Variants in EXOC2 observed in about 807,000 individuals in gnomAD.
EXOC2 encodes the protein exocyst complex component 2.
EXOC2 carries 70 observed loss-of-function variants against 131.8 expected under a neutral mutation model. The observed-to-expected ratio is 0.53, with a 90% CI of 0.44 to 0.65. EXOC2 has a LOEUF of 0.65. Ranked by LOEUF, EXOC2 falls within the 30% of genes least tolerant of loss-of-function variation. The pLI is 0.00. For missense variants in EXOC2, 923 were observed against 1,108.6 expected (o/e 0.83, Z 2.38); for synonymous variants, 411 against 398.4 (o/e 1.03, Z -0.38).
At chr6:680,499 C>A (rs1017252670) in intron 1 of EXOC2, among the ~76,000 whole-genome samples, 4 of 152,134 alleles carry the variant, frequency 2.6e-5, no homozygotes, top group African/African-American at 9.7e-5. Flanking sequence ...TTTACATTGC[C>A]TTCCCTGTGG....
At chr6:650,477 A>T (rs1317737643) in intron 1 of EXOC2, among the ~76,000 whole-genome samples, 1 of 152,242 alleles carries the variant, frequency 6.6e-6, no homozygotes, top group Non-Finnish European at 1.5e-5. Context: ...TATTCATTTT[A>T]AAATTTCTGT....
intron 1 of EXOC2, among the ~76,000 whole-genome samples, chr6:650,727 G>C (rs1375648301): frequency 6.6e-6 from 1 of 152,082 alleles, no homozygotes; most frequent in Non-Finnish European, 1.5e-5. Context: ...ATTCATGAAA[G>C]ACTAAACTGT....
At chr6:529,880 C>T (rs1765974656) in intron 23 of EXOC2, among the ~76,000 whole-genome samples, 1 of 152,188 alleles carries the variant, frequency 6.6e-6, no homozygotes, top group African/African-American at 2.4e-5. Context: ...AAGATACGAA[C>T]TTTAACAAAA....
At chr6:572,200 T>C (rs1396670396) in intron 13 of EXOC2, among the ~76,000 whole-genome samples, 1 of 152,244 alleles carries the variant, frequency 6.6e-6, no homozygotes, top group Non-Finnish European at 1.5e-5. Flanking sequence ...TTGGCCTGAC[T>C]GGCAATATCT....
At chr6:686,260 C>T (rs1764651412) in intron 1 of EXOC2, among the ~76,000 whole-genome samples, 1 of 150,480 alleles carries the variant, frequency 6.6e-6, no homozygotes, top group South Asian at 2.1e-4. Context: ...CCGCGCCCGG[C>T]CTCCTGGACC....
chr6:533,383 A>T (rs931887140), intron 22 of EXOC2, among the ~76,000 whole-genome samples: 1 of 152,152 alleles, frequency 6.6e-6, no homozygotes, highest in African/African-American at 2.4e-5. Flanking sequence ...ACCAATAGAA[A>T]ATAAGCCTGC....
chr6:528,582 A>G (rs1174910586), intron 23 of EXOC2, among the ~76,000 whole-genome samples: 1 of 152,204 alleles, frequency 6.6e-6, no homozygotes, highest in Non-Finnish European at 1.5e-5. Context: ...AATCTGAGGA[A>G]GAGTAAATAA....
chr6:580,455 A>G (rs1199778474), intron 11 of EXOC2, among the ~76,000 whole-genome samples: 1 of 152,188 alleles, frequency 6.6e-6, no homozygotes, highest in East Asian at 1.9e-4. Flanking sequence ...CTTGGCAGTA[A>G]ATTTTCTATA....
At chr6:545,071 C>T (rs920135540) in intron 22 of EXOC2, among the ~76,000 whole-genome samples, 11 of 148,794 alleles carry the variant, frequency 7.4e-5, no homozygotes, top group Non-Finnish European at 8.9e-5. Context: ...GGCGTGAACC[C>T]GGGAAGCGGA....
intron 1 of EXOC2, among the ~76,000 whole-genome samples, chr6:683,986 C>A (rs148760465): frequency 6.6e-6 from 1 of 152,230 alleles, no homozygotes; most frequent in African/African-American, 2.4e-5. Context: ...AGGAGAAACT[C>A]TGGGCACAAT....
intron 24 of EXOC2, among the ~76,000 whole-genome samples, chr6:499,430 A>AACACACAC (rs5873755): frequency 0.036 from 5,156 of 141,678 alleles, 128 homozygotes; most frequent in Non-Finnish European, 0.052. Flanking sequence ...CTCACAGTTA[A>AACACACAC]ACACACACAC....
At chr6:661,773 G>C (rs910294139) in intron 1 of EXOC2, among the ~76,000 whole-genome samples, 1 of 152,108 alleles carries the variant, frequency 6.6e-6, no homozygotes, top group Non-Finnish European at 1.5e-5. Context: ...GCCAAAAAGA[G>C]CATGATGAAA....
Position 569,276 on chromosome 6 carries a change from C to T in EXOC2, c.1443+3244G>A, listed in dbSNP as rs184705296. Among the ~76,000 whole-genome samples, 24 of 152,256 alleles carry T rather than the reference C, an allele frequency of 1.6e-4. 1 individual carries two copies. The highest frequency in any genetic ancestry group is 1.4e-3 in the Admixed American group (22 of 15,294). On this transcript the variant is annotated intron_variant, in intron 13 of 27. Coordinates refer to ENST00000230449, the MANE Select transcript of EXOC2 (RefSeq NM_018303.6). ...TATTAACCATTTCGTTAACTAGAAA[C>T]CTTAACTCTTTCCTGCACACGCAGA...
intron 22 of EXOC2, among the ~76,000 whole-genome samples, chr6:540,294 T>C (rs1311997551): frequency 6.6e-6 from 1 of 152,156 alleles, no homozygotes; most frequent in African/African-American, 2.4e-5. Context: ...TCACATCCTA[T>C]ATATTAGGCT....
intron 23 of EXOC2, chr6:524,336 CAT>C (rs1486000263): frequency 2.0e-5 from 3 of 151,884 alleles, no homozygotes; most frequent in Non-Finnish European, 4.4e-5. Context: ...ACGCTCTGCA[CAT>C]GTGTCCCAGA....
At chr6:683,941 G>A (rs1447038335) in intron 1 of EXOC2, among the ~76,000 whole-genome samples, 1 of 152,228 alleles carries the variant, frequency 6.6e-6, no homozygotes, top group Non-Finnish European at 1.5e-5. Context: ...CCGCAGCTGC[G>A]AAGGATTGAA....
intron 23 of EXOC2, among the ~76,000 whole-genome samples, chr6:529,118 C>CT (rs201971650): frequency 3.6e-5 from 4 of 110,230 alleles, no homozygotes; most frequent in Non-Finnish European, 6.6e-5. Context: ...TGCCTTTTAC[C>CT]CCCCCCCGCG....
rs550010374 is a variant in EXOC2 at position 620,816 on chromosome 6, G to A, written c.423-1273C>T. ...TTGGGGGAAAAATGGCAGCTCTCTC[G>A]TAGAGGTTAAGGGTGGGATGGACAG... On this transcript the variant is annotated intron_variant, in intron 4 of 27. Coordinates refer to ENST00000230449, the MANE Select transcript of EXOC2 (RefSeq NM_018303.6). 2.6e-5 allele frequency among the ~76,000 whole-genome samples: 4 copies of A among 152,250 alleles called. No individual in the cohort carries two copies. In the South Asian group the frequency reaches 6.2e-4, roughly 24 times the overall value.
chr6:690,388 G>A (rs184808749), intron 1 of EXOC2, among the ~76,000 whole-genome samples: 109 of 152,232 alleles, frequency 7.2e-4, no homozygotes, highest in African/African-American at 2.3e-3. Context: ...GAAGGATGCC[G>A]ATGCGTGTGT....
Sources: allele counts gnomAD v4.1 joint callset (sites outside exome capture counted in the v4.1 genomes callset), GRCh38; gene constraint gnomAD v4.1.1; transcripts MANE v1.5; gene names NCBI Gene and HGNC (gene_info 2026-07-23, HGNC 2026-07-21).